The following DACH2 variants were observed in gnomAD, a reference collection of about 807,000 sequenced individuals.
DACH2 encodes the protein dachshund family transcription factor 2.
In DACH2, 17 loss-of-function variants were observed where a neutral mutation model predicts 35.8. That is an observed-to-expected ratio of 0.48 (90% CI 0.33 to 0.71). The LOEUF (loss-of-function observed/expected upper bound fraction) is 0.71, where lower values mean the gene tolerates loss of function less well. Ranked by LOEUF, DACH2 falls within the 30% of genes least tolerant of loss-of-function variation. DACH2 has a pLI of 0.02. For missense variants in DACH2, 469 were observed against 472.7 expected, an observed-to-expected ratio of 0.99 and a Z score of 0.07; for synonymous variants, 195 against 177.3, an observed-to-expected ratio of 1.10 and a Z score of -0.79.
intron 3 of DACH2, among the ~76,000 whole-genome samples, chrX:86,626,228 G>T (rs2040135666): frequency 8.9e-6 from 1 of 112,663 alleles, no homozygotes; most frequent in South Asian, 3.6e-4. Flanking sequence ...CTGAAATCCA[G>T]CAGGGCAATC....
chrX:86,176,913 C>A lies in DACH2; in HGVS notation c.488+27805C>A, dbSNP rs748164744. ...GGTGTGTTTGTTGATCTTATTAGTA[C>A]GTCATATATTCAGGAAGAGTAAATT... On this transcript the variant is annotated intron_variant, in intron 1 of 11. Transcript: ENST00000373125. 4.5e-5 allele frequency among the ~76,000 whole-genome samples: 5 copies of A among 111,466 alleles called. No homozygotes were observed. In the South Asian group the frequency reaches 1.9e-3, roughly 42 times the overall value.
chrX:86,408,178 C>T (rs1309018697), intron 2 of DACH2, among the ~76,000 whole-genome samples: 2 of 111,469 alleles, frequency 1.8e-5, no homozygotes, highest in African/African-American at 3.3e-5. Context: ...TGTATGATCT[C>T]GCTTATGGTA....
In DACH2 at chrX:86,693,212, T is replaced by TCAAC. The variant is rs1480430504; in HGVS notation, c.773-1805_773-1802dup. Among the ~76,000 whole-genome samples the TCAAC allele has an allele frequency of 3.6e-5, 4 of 112,256 alleles. No homozygotes were observed. In the East Asian group the frequency reaches 1.1e-3, roughly 32 times the overall value. On this transcript the variant is annotated intron_variant, in intron 4 of 11. Transcript: ENST00000373125. ...GGTCCATTAAACCAGTCTATCAAAT[T>TCAAC]CAACCAAATTTCCTACATACTAAGC...
chrX:86,504,681 A>G, intron 2 of DACH2, among the ~76,000 whole-genome samples: 1 of 110,952 alleles, frequency 9.0e-6, no homozygotes, highest in Non-Finnish European at 1.9e-5. Flanking sequence ...TGCCATGGCA[A>G]CTTTAAAGAT....
intron 1 of DACH2, among the ~76,000 whole-genome samples, chrX:86,188,436 T>C (rs1181245392): frequency 8.9e-6 from 1 of 111,909 alleles, no homozygotes; most frequent in African/African-American, 3.3e-5. Flanking sequence ...AATAGGGTGT[T>C]TGATATCAGT....
At chrX:86,611,269 T>C (rs908443399) in intron 3 of DACH2, among the ~76,000 whole-genome samples, 1 of 110,644 alleles carries the variant, frequency 9.0e-6, no homozygotes, top group Non-Finnish European at 1.9e-5. Context: ...TGTTCTACAG[T>C]GGCTGAGCAT....
At chrX:86,355,896 TTTAA>T (rs932469645) in intron 1 of DACH2, among the ~76,000 whole-genome samples, 1 of 111,437 alleles carries the variant, frequency 9.0e-6, no homozygotes, top group Non-Finnish European at 1.9e-5. Context: ...TTTTTGCTTA[TTTAA>T]TTGTTTAAGT....
intron 1 of DACH2, among the ~76,000 whole-genome samples, chrX:86,323,921 T>G (rs1046842114): frequency 8.9e-6 from 1 of 111,740 alleles, no homozygotes; most frequent in Admixed American, 9.5e-5. Context: ...AATAGTTCTT[T>G]GAGAGAATAA....
rs570867107 is a variant in DACH2 at position 86,456,664 on chromosome X, C to T, written c.528-57615C>T. Among the ~76,000 whole-genome samples, 5 of 108,607 alleles carry T rather than the reference C, an allele frequency of 4.6e-5. No homozygotes were observed. The South Asian group carries it at 1.5e-3, about 33-fold the overall frequency. 94.3% of individuals were successfully genotyped at this position (108,607 alleles called of 115,157 possible). On this transcript the variant is annotated intron_variant, in intron 2 of 11. Transcript: ENST00000373125. ...TTTCATTTATTCCTTCCGTAATGTT[C>T]TTTTTTTTTATGTAGATCTGAGTTT...
chrX:86,506,735 C>T (rs1487503384), intron 2 of DACH2, among the ~76,000 whole-genome samples: 1 of 111,709 alleles, frequency 9.0e-6, no homozygotes, highest in Non-Finnish European at 1.9e-5. Flanking sequence ...TAGATTGGCT[C>T]ACCTGGACAA....
intron 3 of DACH2, among the ~76,000 whole-genome samples, chrX:86,635,076 TC>T (rs1349972609): frequency 9.5e-6 from 1 of 104,859 alleles, no homozygotes; most frequent in East Asian, 3.5e-4. Flanking sequence ...GAAGAAAACT[TC>T]AGGCTAATAC....
At chrX:86,168,280 T>G (rs943172868) in intron 1 of DACH2, among the ~76,000 whole-genome samples, 1 of 111,842 alleles carries the variant, frequency 8.9e-6, no homozygotes, top group Non-Finnish European at 1.9e-5. Flanking sequence ...CCTTTATCAT[T>G]ATATAGTGAC....
intron 1 of DACH2, among the ~76,000 whole-genome samples, chrX:86,295,023 A>C (rs1188347773): frequency 8.9e-6 from 1 of 112,495 alleles, no homozygotes; most frequent in African/African-American, 3.2e-5. Flanking sequence ...CTCCAGCCTC[A>C]CTGCCGCCTT....
chrX:86,556,270 A>T (rs1200204208), intron 3 of DACH2, among the ~76,000 whole-genome samples: 2 of 111,070 alleles, frequency 1.8e-5, no homozygotes, highest in African/African-American at 6.5e-5. Flanking sequence ...CTAGAAAGCC[A>T]ATCGTTGCCT....
intron 4 of DACH2, among the ~76,000 whole-genome samples, chrX:86,676,081 T>A (rs2040822774): frequency 8.9e-6 from 1 of 111,815 alleles, no homozygotes; most frequent in South Asian, 3.7e-4. Context: ...CCCCAGAAAT[T>A]GTAGCATATT....
At chrX:86,250,005 A>G (rs908341011) in intron 1 of DACH2, among the ~76,000 whole-genome samples, 14 of 111,095 alleles carry the variant, frequency 1.3e-4, no homozygotes, top group Admixed American at 1.3e-3. Context: ...AACATCAAAT[A>G]CATATGGACA....
intron 7 of DACH2, chrX:86,798,862 G>C: frequency 6.9e-6 from 1 of 145,237 alleles, no homozygotes; most frequent in East Asian, 2.5e-4. Flanking sequence ...ATACACTTGA[G>C]AGGGCAGGGC....
chrX:86,543,262 G>A (rs752279703), intron 3 of DACH2, among the ~76,000 whole-genome samples: 5 of 111,567 alleles, frequency 4.5e-5, no homozygotes, highest in African/African-American at 9.8e-5. Flanking sequence ...GATACTAGTC[G>A]ACTGAATCCA....
At chrX:86,389,243 C>T (rs1002003448) in intron 2 of DACH2, among the ~76,000 whole-genome samples, 1 of 111,978 alleles carries the variant, frequency 8.9e-6, no homozygotes, top group Non-Finnish European at 1.9e-5. Context: ...AATTTTGCAA[C>T]TTTATTAGGT....
Sources: gnomAD v4.1 joint callset for allele counts (sites outside exome capture counted in the v4.1 genomes callset) on GRCh38, gnomAD v4.1.1 for gene constraint, MANE v1.5 for transcripts, NCBI Gene and HGNC (gene_info 2026-07-23, HGNC 2026-07-21) for gene names.